CNOT4: variants seen among roughly 807,000 people sequenced by gnomAD.
CNOT4 encodes CCR4-associated factor 4.
A neutral mutation model predicts 73.8 loss-of-function variants in CNOT4; 8 were observed. That is an observed-to-expected ratio of 0.11 (90% confidence interval 0.06 to 0.20). The LOEUF is 0.20. Among genes scored for constraint, CNOT4 ranks in the 10% least tolerant of loss-of-function variants. CNOT4 has a pLI of 1.00. For synonymous variants in CNOT4, 293 were observed against 321.1 expected (o/e 0.91, Z 0.94); for missense variants, 564 against 883.4 (o/e 0.64, Z 4.58).
At chr7:135,378,482 C>T (rs114914709) in intron 10 of CNOT4, among the ~76,000 whole-genome samples, 1,722 of 147,110 alleles carry the variant, frequency 0.012, 37 homozygotes, top group African/African-American at 0.042. Context: ...CCAGCCTGGG[C>T]GAGAGTGTCT....
intron 10 of CNOT4, chr7:135,384,868 T>C (rs1312161348): frequency 4.6e-6 from 3 of 647,126 alleles, no homozygotes; most frequent in Non-Finnish European, 8.4e-6. Context: ...CAATGATTGC[T>C]GCATACATAT....
Position 135,363,796 on chromosome 7 carries a change from C to A in CNOT4, c.1840+58G>T. On this transcript the variant is annotated intron_variant, in intron 11 of 11. Coordinates refer to ENST00000541284, the MANE Select transcript of CNOT4 (RefSeq NM_001190850.2). This position sits in a 1 kb window ranked among gnomAD's most constrained non-coding sequence, Gnocchi z 4.3. The stretch of plus-strand genomic sequence containing the variant: ...GAAGAGATCTCGGTTTTTATTTAAT[C>A]TGTGCTAAAAACCAAACTGTTGGCA... 1.5e-6 allele frequency: 2 copies of A among 1,344,208 alleles called. No individual in the cohort carries two copies. The highest frequency in any genetic ancestry group is 2.0e-6 in the Non-Finnish European group (2 of 980,144). 83.3% of individuals were successfully genotyped at this position (1,344,208 alleles called of 1,614,324 possible).
Position 135,458,999 on chromosome 7 carries a change from T to C in CNOT4, c.-92-20576A>G, listed in dbSNP as rs967530436. Reference sequence around the variant, plus strand: ...TTTCAATTTATTTTGCCCAGATCCATTGGAGGAATCACTATCTACAGCAAC... The same window carrying C: ...TTTCAATTTATTTTGCCCAGATCCACTGGAGGAATCACTATCTACAGCAAC... On this transcript the variant is annotated intron_variant, in intron 1 of 11. Transcript: ENST00000541284. Among the ~76,000 whole-genome samples, 4 of 152,092 alleles carry C rather than the reference T, an allele frequency of 2.6e-5. 1 individual carries two copies. Among genetic ancestry groups the C allele is most frequent in the African/African-American group, 4.8e-5 (2 of 41,450 alleles).
At position 135,364,090 on chromosome 7, in the gene CNOT4, ATG is replaced by A. The variant is rs1489596382; in HGVS notation, c.1628-26_1628-25del. ...GTCTGGGAGATTTACCAACAAAAAA[ATG>A]AAAGATAAAAAAAAATAAAAAGCTA... is the stretch of plus-strand genomic sequence containing the variant. On this transcript the variant is annotated intron_variant, in intron 10 of 11. Transcript: ENST00000541284. The surrounding 1 kb of genome is among the most constrained non-coding windows in gnomAD (Gnocchi z 4.3). 1 of 1,506,180 alleles carries A rather than the reference ATG, an allele frequency of 6.6e-7. No homozygotes were observed. Among genetic ancestry groups the A allele is most frequent in the Admixed American group, 1.9e-5 (1 of 52,650 alleles). The allele number at this position is 1,506,180 out of a possible 1,614,324, so 93.3% of individuals were successfully genotyped here.
intron 2 of CNOT4, among the ~76,000 whole-genome samples, chr7:135,433,350 CTTTTTTTTT>C (rs954189759): frequency 8.7e-6 from 1 of 114,450 alleles, no homozygotes; most frequent in African/African-American, 3.4e-5. Flanking sequence ...TCATCCTGTT[CTTTTTTTTT>C]TTTTTTTTTT....
intron 7 of CNOT4, among the ~76,000 whole-genome samples, chr7:135,399,166 T>C (rs2129483598): frequency 6.6e-6 from 1 of 152,156 alleles, no homozygotes; most frequent in Admixed American, 6.5e-5. Context: ...ACTCAGCACA[T>C]GAACAAAAAT....
rs1322300066 is a variant in CNOT4, at chr7:135,363,232, G to C, written c.1841-46C>G. On this transcript the variant is annotated intron_variant, in intron 11 of 11. Transcript: ENST00000541284. The surrounding 1 kb of genome is among the most constrained non-coding windows in gnomAD (Gnocchi z 4.3). The stretch of plus-strand genomic sequence containing the variant: ...AGAGGGAAAATGGTGAGTTTGTGTG[G>C]AAAGAATAAGGTCGTCAAACAAATT... The C allele has an allele frequency of 4.4e-6, 7 of 1,576,098 alleles. No individual in the cohort carries two copies. Among genetic ancestry groups the C allele is most frequent in the Non-Finnish European group, 5.2e-6 (6 of 1,150,584 alleles).
intron 3 of CNOT4, among the ~76,000 whole-genome samples, chr7:135,419,708 A>T (rs1425676342): frequency 1.3e-5 from 2 of 152,160 alleles, no homozygotes; most frequent in East Asian, 3.8e-4. Context: ...AATAGTTAAG[A>T]TTAATCTTAC....
intron 7 of CNOT4, among the ~76,000 whole-genome samples, chr7:135,401,717 A>C (rs1797011132): frequency 6.6e-6 from 1 of 152,196 alleles, no homozygotes; most frequent in Non-Finnish European, 1.5e-5. Context: ...AAAGCAGATA[A>C]TATAAACTGA....
chr7:135,456,170 C>T (rs1350683455), intron 1 of CNOT4, among the ~76,000 whole-genome samples: 1 of 152,212 alleles, frequency 6.6e-6, no homozygotes, highest in East Asian at 1.9e-4. Flanking sequence ...GTAAGTGTGG[C>T]TGTATTCCAA....
rs1303529205 is a variant in CNOT4 at position 135,364,888 on chromosome 7, G to GTA, written c.1628-824_1628-823dup. Among the ~76,000 whole-genome samples, 1 of 152,158 alleles carries GTA rather than the reference G, an allele frequency of 6.6e-6. No individual in the cohort carries two copies. The highest frequency in any genetic ancestry group is 1.5e-5 in the Non-Finnish European group (1 of 68,032). The stretch of plus-strand genomic sequence containing the variant: ...TCTACTACCATCCAGAATCCACATA[G>GTA]TATAACTAACTGGTCAGGGGGAAAA... On this transcript the variant is annotated intron_variant, in intron 10 of 11. Coordinates refer to ENST00000541284, the MANE Select transcript of CNOT4 (RefSeq NM_001190850.2). This position sits in a 1 kb window ranked among gnomAD's most constrained non-coding sequence, Gnocchi z 4.3.
chr7:135,393,985 A>G lies in CNOT4; in HGVS notation c.1560T>C (p.Asn520=). 1 of 1,613,854 alleles carries G rather than the reference A, an allele frequency of 6.2e-7. No homozygotes were observed. Among genetic ancestry groups the G allele is most frequent in the Non-Finnish European group, 8.5e-7 (1 of 1,179,780 alleles). The part of the protein sequence containing the change: ...HLNHTANPTS[N]SNFLDLNLPP... ...GGAGATTCAAGTCCAAGAAATTACT[A>G]TTTGAGGTGGGGTTTGCTGTGTGGT... Residue 520 remains asparagine (N), a synonymous_variant, in exon 10 of 12, where the codon AAT becomes AAC. Transcript: ENST00000541284.
chr7:135,384,346 A>C, intron 10 of CNOT4: 1 of 220,056 alleles, frequency 4.5e-6, no homozygotes, highest in Non-Finnish European at 9.0e-6. Context: ...GCACAGTGGC[A>C]CCATCTCGGC....
intron 2 of CNOT4, among the ~76,000 whole-genome samples, chr7:135,424,043 ACACACAC>A (rs1798349483): frequency 1.0e-3 from 4 of 3,982 alleles, no homozygotes; most frequent in African/African-American, 4.7e-3. Context: ...CAAACAAAAC[ACACACAC>A]ACACACACAC....
intron 7 of CNOT4, among the ~76,000 whole-genome samples, chr7:135,398,915 T>C (rs1327659464): frequency 2.0e-5 from 3 of 152,110 alleles, no homozygotes; most frequent in African/African-American, 7.2e-5. Flanking sequence ...AATATTTCTA[T>C]ATACTAATCA....
At chr7:135,500,957 A>C (rs1028681620) in intron 1 of CNOT4, among the ~76,000 whole-genome samples, 13 of 151,132 alleles carry the variant, frequency 8.6e-5, no homozygotes, top group African/African-American at 3.2e-4. Context: ...TCATTCAGAA[A>C]CACTGGTAGC....
intron 1 of CNOT4, among the ~76,000 whole-genome samples, chr7:135,485,912 A>T (rs1186158716): frequency 1.3e-5 from 2 of 152,164 alleles, no homozygotes; most frequent in East Asian, 3.9e-4. Context: ...CACGATCCAC[A>T]AAAGGAAGAA....
Position 135,394,235 on chromosome 7 carries a change from T to C in CNOT4, c.1310A>G (p.Gln437Arg), listed in dbSNP as rs1796559019. Residue 437 changes from glutamine to arginine, a missense_variant, in exon 10 of 12, where the codon CAG becomes CGG. Coordinates refer to ENST00000541284, the MANE Select transcript of CNOT4 (RefSeq NM_001190850.2). Reference protein sequence around the residue: ...DQPSLSPTSLQNSSSHTTTAK... With the variant: ...DQPSLSPTSLRNSSSHTTTAK... Reference sequence around the variant, plus strand: ...GGTTGTAGTGTGTGAAGAGGAGTTCTGAAGAGATGTGGGCGAAAGGGAAGG... The same window carrying C: ...GGTTGTAGTGTGTGAAGAGGAGTTCCGAAGAGATGTGGGCGAAAGGGAAGG... 1 of 1,614,168 alleles carries C rather than the reference T, an allele frequency of 6.2e-7. No individual in the cohort carries two copies.
intron 1 of CNOT4, among the ~76,000 whole-genome samples, chr7:135,452,815 A>AT: frequency 6.6e-6 from 1 of 152,318 alleles, no homozygotes; most frequent in East Asian, 1.9e-4. Flanking sequence ...TTTCCTATCA[A>AT]TTTAATGCTC....
Sources: gnomAD v4.1 joint callset for allele counts (sites outside exome capture counted in the v4.1 genomes callset) on GRCh38, gnomAD v4.1.1 for gene constraint, Gnocchi (gnomAD v3.1) non-coding constraint, MANE v1.5 for transcripts, NCBI Gene and HGNC (gene_info 2026-07-23, HGNC 2026-07-21) for gene names.